SLC2A13: variants seen among roughly 807,000 people sequenced by gnomAD.
SLC2A13 encodes the protein proton myo-inositol cotransporter.
A neutral mutation model predicts 64.4 loss-of-function variants in SLC2A13; 32 were observed. The observed-to-expected ratio is 0.50, with a 90% CI of 0.37 to 0.67. The LOEUF (loss-of-function observed/expected upper bound fraction) is 0.67. SLC2A13 is among the 30% of genes least tolerant of loss of function. The pLI is 0.00. For missense variants in SLC2A13, 743 were observed against 829.2 expected, an observed-to-expected ratio of 0.90 and a Z score of 1.28; for synonymous variants, 338 against 327.1, an observed-to-expected ratio of 1.03 and a Z score of -0.36.
intron 6 of SLC2A13, among the ~76,000 whole-genome samples, chr12:39,862,440 CACTTA>C (rs1221638804): frequency 6.6e-6 from 1 of 152,180 alleles, no homozygotes; most frequent in East Asian, 1.9e-4. Context: ...TGGACATAGG[CACTTA>C]ACTTTTATTA....
intron 3 of SLC2A13, among the ~76,000 whole-genome samples, chr12:39,998,721 T>C (rs1947274881): frequency 6.6e-6 from 1 of 152,202 alleles, no homozygotes; most frequent in African/African-American, 2.4e-5. Flanking sequence ...GACTTTGGAC[T>C]GTAGACTTTT....
chr12:39,903,207 C>T (rs1464240980), intron 4 of SLC2A13, among the ~76,000 whole-genome samples: 2 of 152,056 alleles, frequency 1.3e-5, no homozygotes, highest in Non-Finnish European at 2.9e-5. Context: ...TACATCTATC[C>T]TATGAATTTA....
intron 4 of SLC2A13, among the ~76,000 whole-genome samples, chr12:39,948,257 C>G (rs895774354): frequency 6.6e-6 from 1 of 151,914 alleles, no homozygotes; most frequent in Non-Finnish European, 1.5e-5. Context: ...TAAGAACTTA[C>G]AAGTCCTCCA....
chr12:40,105,801 C>T lies in SLC2A13; in HGVS notation c.8G>A (p.Arg3His). MS[R>H]KASENVEYTL... The stretch of plus-strand genomic sequence containing the variant: ...GTACTCCACATTCTCGCTTGCCTTG[C>T]GGGACATAGGGCAGGGGCCCGGGGC... Residue 3 changes from arginine to histidine, a missense_variant, in exon 1 of 10, where the codon CGC becomes CAC. This residue lies in a region of SLC2A13 where 448 missense variants were observed against 447.4 expected (regional missense o/e 1.00). Transcript: ENST00000280871. The surrounding 1 kb of genome is among the most constrained non-coding windows in gnomAD (Gnocchi z 4.2). 6.1e-6 allele frequency: 9 copies of T among 1,479,196 alleles called. No individual in the cohort carries two copies. Among genetic ancestry groups the T allele is most frequent in the Non-Finnish European group, 8.1e-6 (9 of 1,114,738 alleles). The allele number at this position is 1,479,196 out of a possible 1,614,324, so 91.6% of individuals were successfully genotyped here. A position where few individuals can be genotyped will look rare whatever the true frequency, so the allele number is the denominator to read the frequency against.
intron 1 of SLC2A13, among the ~76,000 whole-genome samples, chr12:40,054,761 G>A (rs1387536654): frequency 2.0e-5 from 3 of 152,174 alleles, no homozygotes; most frequent in Non-Finnish European, 2.9e-5. Flanking sequence ...AAAGGCCTGA[G>A]TCAGAAGTAT....
chr12:40,008,635 G>A (rs565667605), intron 3 of SLC2A13, among the ~76,000 whole-genome samples: 97 of 151,556 alleles, frequency 6.4e-4, no homozygotes, highest in African/African-American at 2.3e-3. Flanking sequence ...AAAAGAATAT[G>A]GAGAAACAAT....
chr12:39,913,005 T>G (rs1945456476), intron 4 of SLC2A13, among the ~76,000 whole-genome samples: 1 of 152,072 alleles, frequency 6.6e-6, no homozygotes, highest in African/African-American at 2.4e-5. Context: ...TGAGTCCTCT[T>G]TGAAAGATAT....
chr12:40,101,139 G>A (rs912858063), intron 1 of SLC2A13, among the ~76,000 whole-genome samples: 1 of 150,354 alleles, frequency 6.7e-6, no homozygotes, highest in Non-Finnish European at 1.5e-5. Flanking sequence ...AAGTGGAAGA[G>A]AAAAATAAAC....
At chr12:39,865,668 A>G (rs935256491) in intron 5 of SLC2A13, among the ~76,000 whole-genome samples, 1 of 152,244 alleles carries the variant, frequency 6.6e-6, no homozygotes, top group African/African-American at 2.4e-5. Flanking sequence ...GAATGGAGAA[A>G]GAAAATATGA....
At chr12:39,778,172 C>G (rs1474217441) in intron 7 of SLC2A13, among the ~76,000 whole-genome samples, 1 of 152,334 alleles carries the variant, frequency 6.6e-6, no homozygotes, top group East Asian at 1.9e-4. Flanking sequence ...GAGACCCTTT[C>G]CCATTTCAGA....
Position 39,936,528 on chromosome 12 carries a change from C to T in SLC2A13, c.1034+14729G>A, listed in dbSNP as rs918808373. Among the ~76,000 whole-genome samples, 5 of 152,282 alleles carry T rather than the reference C, an allele frequency of 3.3e-5. No individual in the cohort carries two copies. In the South Asian group the frequency reaches 1.0e-3, roughly 32 times the overall value. On this transcript the variant is annotated intron_variant, in intron 4 of 9. Transcript: ENST00000280871. Reference sequence around the variant, plus strand: ...TATTTCCTGCCTTTAGGCCCTATTTCCTTATTGTACACCAACTTATCTTTT... The same window carrying T: ...TATTTCCTGCCTTTAGGCCCTATTTTCTTATTGTACACCAACTTATCTTTT...
rs1236269699 is a variant in SLC2A13, at chr12:39,757,173, G to A, written c.*2853C>T. 6.6e-6 allele frequency: 1 copy of A among 151,694 alleles called. No individual in the cohort carries two copies. Among genetic ancestry groups the A allele is most frequent in the African/African-American group, 2.4e-5 (1 of 41,358 alleles). 9.4% of individuals were successfully genotyped at this position (151,694 alleles called of 1,614,324 possible). On this transcript the variant is annotated 3_prime_UTR_variant, in exon 10 of 10. Transcript: ENST00000280871. ...AAGTCTAGTGCAGATCAGACATCCA[G>A]CCTCAATAGGGATTTGGACCTTCTT... is the stretch of plus-strand genomic sequence containing the variant.
At chr12:39,784,185 A>G (rs564590308) in intron 7 of SLC2A13, among the ~76,000 whole-genome samples, 1 of 152,304 alleles carries the variant, frequency 6.6e-6, no homozygotes, top group East Asian at 1.9e-4. Flanking sequence ...ATCCCCATCA[A>G]GCTACCAATG....
chr12:40,005,207 G>A (rs533821618), intron 3 of SLC2A13, among the ~76,000 whole-genome samples: 3 of 152,206 alleles, frequency 2.0e-5, no homozygotes, highest in African/African-American at 2.4e-5. Flanking sequence ...AAGAAAAAGG[G>A]GCCTGTAGCT....
chr12:40,073,039 T>C (rs182953372), intron 1 of SLC2A13, among the ~76,000 whole-genome samples: 9 of 152,244 alleles, frequency 5.9e-5, no homozygotes, highest in Admixed American at 2.6e-4. Flanking sequence ...TTTTTCTTTG[T>C]GCTGGCCCTA....
rs549790858 is a variant in SLC2A13 at position 40,092,403 on chromosome 12, C to T, written c.556+12850G>A. Reference sequence around the variant, plus strand: ...AGTTGCAGATTGGCTTCACTTGAAACGTAACCCCATCCAGAATTAAATCTG... The same window carrying T: ...AGTTGCAGATTGGCTTCACTTGAAATGTAACCCCATCCAGAATTAAATCTG... On this transcript the variant is annotated intron_variant, in intron 1 of 9. Transcript: ENST00000280871. Among the ~76,000 whole-genome samples, 18 of 152,252 alleles carry T rather than the reference C, an allele frequency of 1.2e-4. 2 individuals are homozygous for T. The highest frequency in any genetic ancestry group is 3.4e-3 in the Middle Eastern group (1 of 294).
At chr12:39,955,862 T>C (rs1454201085) in intron 3 of SLC2A13, among the ~76,000 whole-genome samples, 1 of 152,106 alleles carries the variant, frequency 6.6e-6, no homozygotes, top group East Asian at 1.9e-4. Flanking sequence ...GAAGAGGTTG[T>C]CCTCTACGGA....
chr12:39,773,781 T>C (rs1940671635), intron 7 of SLC2A13, among the ~76,000 whole-genome samples: 1 of 152,200 alleles, frequency 6.6e-6, no homozygotes, highest in Non-Finnish European at 1.5e-5. Flanking sequence ...CAACTTCATA[T>C]ATTGAGTCCT....
intron 1 of SLC2A13, among the ~76,000 whole-genome samples, chr12:40,098,917 G>C (rs1205547727): frequency 1.3e-5 from 2 of 152,200 alleles, no homozygotes; most frequent in Non-Finnish European, 2.9e-5. Context: ...ACTCCTCCCA[G>C]TGCAGCGGCA....
Sources: gnomAD v4.1 joint callset for allele counts (sites outside exome capture counted in the v4.1 genomes callset) on GRCh38, gnomAD v4.1.1 for gene constraint, gnomAD v4.1.1 regional missense constraint, Gnocchi (gnomAD v3.1) non-coding constraint, MANE v1.5 for transcripts, NCBI Gene and HGNC (gene_info 2026-07-23, HGNC 2026-07-21) for gene names.